The following PWWP2B variants were observed in gnomAD, a reference collection of about 807,000 sequenced individuals.
PWWP2B encodes PWWP domain containing 2B.
PWWP2B carries 9 observed loss-of-function variants against 15.5 expected under a neutral mutation model. The observed-to-expected ratio is 0.58, with a 90% CI of 0.35 to 1.02. The LOEUF is 1.02. PWWP2B is among the 50% of genes least tolerant of loss of function. The pLI, the probability that PWWP2B is intolerant of heterozygous loss-of-function variation, is 0.02. For synonymous variants in PWWP2B, 474 were observed against 403.6 expected, an observed-to-expected ratio of 1.17 and a Z score of -2.09; for missense variants, 864 against 865.3, an observed-to-expected ratio of 1.00 and a Z score of 0.02.
Position 132,397,201 on chromosome 10 carries a change from G to T in PWWP2B, c.-26G>T. 9.8e-7 allele frequency: 1 copy of T among 1,024,290 alleles called. No individual in the cohort carries two copies. Among genetic ancestry groups the T allele is most frequent in the Admixed American group, 5.9e-5 (1 of 16,840 alleles). 63.5% of individuals were successfully genotyped at this position (1,024,290 alleles called of 1,614,324 possible). A position where few individuals can be genotyped will look rare whatever the true frequency, so the allele number is the denominator to read the frequency against. On this transcript the variant is annotated 5_prime_UTR_variant, in exon 1 of 3. Transcript: ENST00000305233. ...CGGCGGCGGCGGCGGCGGCGGGGCG[G>T]GGGCGGCCTGGGACGCGGCGGGAGC...
At position 132,405,481 on chromosome 10, in the gene PWWP2B, C is replaced by T; in HGVS notation, c.981C>T (p.Asp327=). 1 of 1,604,502 alleles carries T rather than the reference C, an allele frequency of 6.2e-7. No individual in the cohort carries two copies. The highest frequency in any genetic ancestry group is 8.5e-7 in the Non-Finnish European group (1 of 1,179,386). ...KLTRPVPAGA[D]LPPPKIRLKP... ...CACGGCCTGTGCCGGCCGGCGCGGACCTGCCGCCCCCTAAGATCCGCCTGA... is the reference window on the plus strand; with the variant it reads ...CACGGCCTGTGCCGGCCGGCGCGGATCTGCCGCCCCCTAAGATCCGCCTGA... Residue 327 remains aspartate (D), a synonymous_variant, in exon 2 of 3, where the codon GAC becomes GAT. Coordinates refer to ENST00000305233, the MANE Select transcript of PWWP2B (RefSeq NM_138499.4).
Position 132,401,966 on chromosome 10 carries a change from C to T in PWWP2B, c.126-2660C>T, listed in dbSNP as rs779380725. Among the ~76,000 whole-genome samples, 17 of 152,222 alleles carry T rather than the reference C, an allele frequency of 1.1e-4. No individual in the cohort carries two copies. In the South Asian group the frequency reaches 1.4e-3, roughly 13 times the overall value. On this transcript the variant is annotated intron_variant, in intron 1 of 2. Transcript: ENST00000305233. ...TTCCCACCCTGTTTACCCACCAGTG[C>T]GCTGGGGTGCGGCCTGGGCAGGGCG...
At chr10:132,397,436 G>A (rs1021655690) in intron 1 of PWWP2B, 85 bp downstream of exon 1, 6 of 1,128,384 alleles carry the variant, frequency 5.3e-6, no homozygotes, top group African/African-American at 5.0e-5. Flanking sequence ...ACCCGCCTCC[G>A]GGTTGGGGGT....
intron 2 of PWWP2B, among the ~76,000 whole-genome samples, chr10:132,409,229 C>T (rs2069745166): frequency 6.6e-6 from 1 of 152,216 alleles, no homozygotes; most frequent in African/African-American, 2.4e-5. Context: ...TTGGAGGTGA[C>T]CACTGTGCCC....
rs751968534 is a variant in PWWP2B, at chr10:132,404,690, G to T, written c.190G>T (p.Asp64Tyr). ...LPQVDESPVNDSHGRAPEEGD... is the reference protein window; with the variant it reads ...LPQVDESPVNYSHGRAPEEGD... ...CCAGGTCGATGAGTCCCCTGTCAAC[G>T]ACAGCCATGGCCGGGCTCCCGAGGA... Residue 64 changes from aspartate (D) to tyrosine (Y), a missense_variant, in exon 2 of 3, where the codon GAC (aspartate) becomes TAC (tyrosine). Transcript: ENST00000305233. The T allele has an allele frequency of 1.2e-6, 2 of 1,612,494 alleles. No individual in the cohort carries two copies. Among genetic ancestry groups the T allele is most frequent in the South Asian group, 1.1e-5 (1 of 91,072 alleles).
Position 132,404,802 on chromosome 10 carries a change from C to CCCCCCCCCCCCCCGTGG in PWWP2B, c.302_303insCCCCCCCCCCCCCGTGG (p.Leu105ProfsTer87). The CCCCCCCCCCCCCCGTGG allele has an allele frequency of 6.6e-7, 1 of 1,521,446 alleles. No homozygotes were observed. Among genetic ancestry groups the CCCCCCCCCCCCCCGTGG allele is most frequent in the Non-Finnish European group, 8.9e-7 (1 of 1,124,758 alleles). The allele number at this position is 1,521,446 out of a possible 1,614,324, so 94.2% of individuals were successfully genotyped here. A position where few individuals can be genotyped will look rare whatever the true frequency, so the allele number is the denominator to read the frequency against. ...CCCCCCGAGACCACCCGCCCCGAGC[C>CCCCCCCCCCCCCCGTGG]ACCCCCGCCCCTCGTGCCGCCGCTG... On this transcript the variant is annotated frameshift_variant, in exon 2 of 3. Coordinates refer to ENST00000305233, the MANE Select transcript of PWWP2B (RefSeq NM_138499.4). LOFTEE classifies it high-confidence loss of function.
Position 132,404,940 on chromosome 10 carries a change from C to A in PWWP2B, c.440C>A (p.Thr147Asn). The change falls in exon 2 of 3, where the codon ACC becomes AAC. Residue 147 changes from threonine (T) to asparagine (N), a missense_variant. Physicochemically the swap from Thr to Asn is moderately conservative, Grantham distance 65 (BLOSUM62 0). Transcript: ENST00000305233. ...TGGGTGCCCCAGCCGCCGCCCAGGA[C>A]CATCAAGCGCACGCGGCGGCGTCTG... ...KLWVPQPPPR[T>N]IKRTRRRLSR... 6.3e-7 allele frequency: 1 copy of A among 1,594,144 alleles called. No individual in the cohort carries two copies. Among genetic ancestry groups the A allele is most frequent in the Non-Finnish European group, 8.5e-7 (1 of 1,177,672 alleles).
At chr10:132,416,298 T>C (rs1268407048) in intron 2 of PWWP2B, among the ~76,000 whole-genome samples, 8 of 152,112 alleles carry the variant, frequency 5.3e-5, no homozygotes. Flanking sequence ...CAGGCTCCGC[T>C]GCCTTCCCCG....
Position 132,405,051 on chromosome 10 carries a change from C to T in PWWP2B, c.551C>T (p.Thr184Met), listed in dbSNP as rs779442728. Reference sequence around the variant, plus strand: ...GTGCTCTGTGAGAAGTGCAAGAGCACGCTGAGCCCCCCGGAGGCCAGCCCC... The same window carrying T: ...GTGCTCTGTGAGAAGTGCAAGAGCATGCTGAGCCCCCCGGAGGCCAGCCCC... ...RQVLCEKCKS[T>M]LSPPEASPGP... Residue 184 changes from threonine (T) to methionine (M), a missense_variant, in exon 2 of 3, where the codon ACG (threonine) becomes ATG (methionine). Around this residue, in one of 2 missense-constraint regions of PWWP2B, gnomAD observed 736 missense variants for 687.7 expected, o/e 1.07. Coordinates refer to ENST00000305233, the MANE Select transcript of PWWP2B (RefSeq NM_138499.4). 7 of 1,514,158 alleles carry T rather than the reference C, an allele frequency of 4.6e-6. No homozygotes were observed. The highest frequency in any genetic ancestry group is 4.3e-5 in the Admixed American group (2 of 46,804). 93.8% of individuals were successfully genotyped at this position (1,514,158 alleles called of 1,614,324 possible).
chr10:132,415,133 C>T (rs979946217), intron 2 of PWWP2B, among the ~76,000 whole-genome samples: 4 of 152,132 alleles, frequency 2.6e-5, no homozygotes, highest in African/African-American at 7.2e-5. Flanking sequence ...TCAATTTAGA[C>T]GTTAGTTAAG....
At chr10:132,406,467 C>T (rs534751874) in intron 2 of PWWP2B, among the ~76,000 whole-genome samples, 178 bp downstream of exon 2, 3 of 152,360 alleles carry the variant, frequency 2.0e-5, no homozygotes, top group Admixed American at 6.5e-5. Flanking sequence ...ATGCCATCTG[C>T]GCTTCTGATT....
intron 2 of PWWP2B, among the ~76,000 whole-genome samples, chr10:132,415,612 C>G (rs2069840285): frequency 1.3e-5 from 2 of 150,236 alleles, no homozygotes; most frequent in South Asian, 4.2e-4. Context: ...TTTACTCACA[C>G]ACATCCAATC....
chr10:132,417,223 C>T lies in PWWP2B; in HGVS notation c.*179C>T, dbSNP rs913297649. ...GCAGTGTGTCCAGGGAGGGGATGGC[C>T]CTGAGCCCAGCGGCTCCTCCCGCTG... On this transcript the variant is annotated 3_prime_UTR_variant, in exon 3 of 3. Transcript: ENST00000305233. The T allele has an allele frequency of 3.5e-6, 3 of 866,088 alleles. No individual in the cohort carries two copies. Among genetic ancestry groups the T allele is most frequent in the Non-Finnish European group, 5.7e-6 (3 of 527,800 alleles). 53.7% of individuals were successfully genotyped at this position (866,088 alleles called of 1,614,324 possible).
intron 2 of PWWP2B, among the ~76,000 whole-genome samples, chr10:132,415,577 A>ACG (rs398114936): frequency 1.4e-5 from 2 of 148,136 alleles, no homozygotes; most frequent in Non-Finnish European, 3.0e-5. Context: ...ATACACACAC[A>ACG]TCCACTCACA....
intron 1 of PWWP2B, 100 bp downstream of exon 1, chr10:132,397,451 T>G: frequency 1.3e-5 from 13 of 1,008,484 alleles, no homozygotes; most frequent in African/African-American, 1.8e-5. Context: ...GGGGGTGGCG[T>G]GGCCCCGGCG....
chr10:132,411,515 AG>A (rs1170127779), intron 2 of PWWP2B, among the ~76,000 whole-genome samples: 1 of 152,228 alleles, frequency 6.6e-6, no homozygotes, highest in African/African-American at 2.4e-5. Context: ...CCCAGGAAGC[AG>A]GGGTGGAGAT....
At chr10:132,414,226 C>T (rs939966635) in intron 2 of PWWP2B, among the ~76,000 whole-genome samples, 6 of 152,174 alleles carry the variant, frequency 3.9e-5, no homozygotes, top group East Asian at 1.9e-4. Flanking sequence ...TCCCAAGGCC[C>T]GTTACACATG....
chr10:132,415,441 ACACT>A (rs57026586), intron 2 of PWWP2B, among the ~76,000 whole-genome samples: 15,799 of 149,404 alleles, frequency 0.11, 1,110 homozygotes, highest in Admixed American at 0.19. Flanking sequence ...ATGCACTCTC[ACACT>A]CACATCCACT....
intron 2 of PWWP2B, among the ~76,000 whole-genome samples, chr10:132,410,573 G>A (rs1262562246): frequency 6.6e-6 from 1 of 152,200 alleles, no homozygotes; most frequent in African/African-American, 2.4e-5. Context: ...GGGGAGGGGG[G>A]CGTGCCCAGA....
Sources: gnomAD v4.1 joint callset for allele counts (sites outside exome capture counted in the v4.1 genomes callset) on GRCh38, gnomAD v4.1.1 for gene constraint, gnomAD v4.1.1 regional missense constraint, MANE v1.5 for transcripts, NCBI Gene and HGNC (gene_info 2026-07-23, HGNC 2026-07-21) for gene names.